The following LAMA3 variants were observed in gnomAD, a reference collection of about 807,000 sequenced individuals.
LAMA3 encodes laminin subunit alpha 3.
In LAMA3, 281 loss-of-function variants were observed where a neutral mutation model predicts 402.0. The ratio of observed to expected loss-of-function variants is 0.70; its 90% CI spans 0.63 to 0.77. The LOEUF (loss-of-function observed/expected upper bound fraction) is 0.77. Among genes scored for constraint, LAMA3 ranks in the 30% least tolerant of loss-of-function variants. The pLI is 0.00. For missense variants in LAMA3, 3,840 were observed against 4,215.5 expected (o/e 0.91, Z 2.47); for synonymous variants, 1,431 against 1,558.4 (o/e 0.92, Z 1.93).
At chr18:23,824,266 C>T (rs2063339316) in intron 20 of LAMA3, among the ~76,000 whole-genome samples, 157 bp from the exon 21 acceptor site, 2 of 152,118 alleles carry the variant, frequency 1.3e-5, no homozygotes, top group Admixed American at 1.3e-4. Context: ...TATGTATTTG[C>T]ATAGTACAAT....
At position 23,940,246 on chromosome 18, in the gene LAMA3, G is replaced by A. The variant is rs538228401; in HGVS notation, c.9026+860G>A. Among the ~76,000 whole-genome samples, 93 of 152,176 alleles carry A rather than the reference G, an allele frequency of 6.1e-4. 1 individual carries two copies. The highest frequency in any genetic ancestry group is 9.7e-4 in the Non-Finnish European group (66 of 68,016). On this transcript the variant is annotated intron_variant, in intron 68 of 74. Coordinates refer to ENST00000313654, the MANE Select transcript of LAMA3 (RefSeq NM_198129.4). Reference sequence around the variant, plus strand: ...GGGAGGGCGCAGGGAGGACAGAGCCGGGTAGGAAGGGCCTCGGGTCGCAGT... The same window carrying A: ...GGGAGGGCGCAGGGAGGACAGAGCCAGGTAGGAAGGGCCTCGGGTCGCAGT...
At chr18:23,801,707 G>A (rs2062868758) in intron 12 of LAMA3, among the ~76,000 whole-genome samples, 1 of 152,080 alleles carries the variant, frequency 6.6e-6, no homozygotes, top group South Asian at 2.1e-4. Context: ...TCCAGCATTT[G>A]CTATTTTTGG....
At chr18:23,938,837 G>A (rs1306894083) in intron 67 of LAMA3, among the ~76,000 whole-genome samples, 1 of 151,716 alleles carries the variant, frequency 6.6e-6, no homozygotes, top group African/African-American at 2.4e-5. Flanking sequence ...GAGAGAAAGG[G>A]GGGGTATTTA....
At chr18:23,720,365 G>GT (rs1316531731) in intron 2 of LAMA3, among the ~76,000 whole-genome samples, 3 of 151,706 alleles carry the variant, frequency 2.0e-5, no homozygotes, top group East Asian at 1.9e-4. Context: ...TTTTGTTTTT[G>GT]TTTTTTTTGA....
chr18:23,805,735 A>G (rs1468677034), intron 12 of LAMA3, among the ~76,000 whole-genome samples: 1 of 152,230 alleles, frequency 6.6e-6, no homozygotes, highest in African/African-American at 2.4e-5. Flanking sequence ...ATGTCCACTA[A>G]TAGAAAGAAT....
At chr18:23,840,035 A>G in intron 27 of LAMA3, 106 bp downstream of exon 27, 1 of 1,215,088 alleles carries the variant, frequency 8.2e-7, no homozygotes, top group Admixed American at 1.9e-5. Context: ...CAGACCCACT[A>G]CAGACCTACT....
chr18:23,883,537 A>G (rs1442142749), intron 40 of LAMA3, among the ~76,000 whole-genome samples: 3 of 152,354 alleles, frequency 2.0e-5, no homozygotes, highest in Admixed American at 6.5e-5. Context: ...TAACAGACAC[A>G]TGGGCCAAGT....
chr18:23,824,031 A>T (rs1277219352), intron 20 of LAMA3, among the ~76,000 whole-genome samples: 1 of 152,188 alleles, frequency 6.6e-6, no homozygotes, highest in African/African-American at 2.4e-5. Flanking sequence ...CCTGGGCAAC[A>T]TAGTGGGACC....
At chr18:23,831,779 T>C (rs1193068582) in intron 23 of LAMA3, among the ~76,000 whole-genome samples, 2 of 152,180 alleles carry the variant, frequency 1.3e-5, no homozygotes. Flanking sequence ...ACATCAGACA[T>C]ATTAGTTATC....
At chr18:23,707,650 A>G (rs1293341411) in intron 1 of LAMA3, among the ~76,000 whole-genome samples, 1 of 152,144 alleles carries the variant, frequency 6.6e-6, no homozygotes, top group African/African-American at 2.4e-5. Flanking sequence ...ACTTCTTTAT[A>G]CATATTTTAT....
intron 42 of LAMA3, 110 bp downstream of exon 42, chr18:23,890,227 A>G (rs2080611945): frequency 1.3e-6 from 1 of 770,274 alleles, no homozygotes; most frequent in Non-Finnish European, 2.3e-6. Flanking sequence ...AATTCCAGCC[A>G]GCAAGCTGTC....
At position 23,803,543 on chromosome 18, in the gene LAMA3, C is replaced by T. The variant is rs1221557715; in HGVS notation, c.1604-6823C>T. Among the ~76,000 whole-genome samples, 3 of 152,176 alleles carry T rather than the reference C, an allele frequency of 2.0e-5. No homozygotes were observed. In the East Asian group the frequency reaches 5.8e-4, roughly 29 times the overall value. On this transcript the variant is annotated intron_variant, in intron 12 of 74. Coordinates refer to ENST00000313654, the MANE Select transcript of LAMA3 (RefSeq NM_198129.4). ...AGAGAGGGTTTTCACTCAGACCCTTCCCCAGATCTTCCTGTCACCAATTTT... is the reference window on the plus strand; with the variant it reads ...AGAGAGGGTTTTCACTCAGACCCTTTCCCAGATCTTCCTGTCACCAATTTT...
chr18:23,881,784 G>C, intron 39 of LAMA3, 152 bp from the exon 40 acceptor site: 1 of 680,210 alleles, frequency 1.5e-6, no homozygotes, highest in Non-Finnish European at 2.7e-6. Context: ...GCAATGATTA[G>C]AGGGATAGGG....
chr18:23,758,644 A>G, intron 7 of LAMA3, 133 bp downstream of exon 7: 1 of 654,384 alleles, frequency 1.5e-6, no homozygotes, highest in Non-Finnish European at 2.7e-6. Flanking sequence ...TGTCTATTGT[A>G]ATAAGAACCT....
At chr18:23,716,030 G>C (rs992739695) in intron 2 of LAMA3, among the ~76,000 whole-genome samples, 32 of 152,158 alleles carry the variant, frequency 2.1e-4, no homozygotes, top group Admixed American at 1.4e-3. Flanking sequence ...AATTCACAGA[G>C]AGCCTTCATG....
chr18:23,901,158 C>G lies in LAMA3; in HGVS notation c.6036C>G (p.Thr2012=), dbSNP rs1184764923. Residue 2012 remains threonine (T), a synonymous_variant, in exon 48 of 75, where the codon ACC becomes ACG. Transcript: ENST00000313654. ...ACCGGATAAGGACCTGGCAGAAAAC[C>G]CACCAGGGGGAGAACAATGGGCTTG... The part of the protein sequence containing the change: ...LLNRIRTWQK[T]HQGENNGLAN... The G allele has an allele frequency of 6.2e-7, 1 of 1,614,110 alleles. No individual in the cohort carries two copies. The highest frequency in any genetic ancestry group is 8.5e-7 in the Non-Finnish European group (1 of 1,180,022).
At chr18:23,815,124 T>C (rs1445130353) in intron 15 of LAMA3, 64 bp from the exon 16 acceptor site, 23 of 1,446,046 alleles carry the variant, frequency 1.6e-5, no homozygotes. Flanking sequence ...TGTGTAATGT[T>C]CCCAGAGCCA....
At chr18:23,853,690 G>T (rs2144679517) in intron 32 of LAMA3, among the ~76,000 whole-genome samples, 1 of 152,290 alleles carries the variant, frequency 6.6e-6, no homozygotes. Context: ...GAGCCCCATT[G>T]CCATGGAGAT....
At chr18:23,764,449 C>T (rs977238049) in intron 8 of LAMA3, among the ~76,000 whole-genome samples, 65 of 152,126 alleles carry the variant, frequency 4.3e-4, no homozygotes, top group African/African-American at 1.5e-3. Context: ...AGAATCTTTT[C>T]TCTGGATGAA....
Sources: allele counts gnomAD v4.1 joint callset (sites outside exome capture counted in the v4.1 genomes callset), GRCh38; gene constraint gnomAD v4.1.1; transcripts MANE v1.5; gene names NCBI Gene and HGNC (gene_info 2026-07-23, HGNC 2026-07-21).